ACSF3: variants seen among roughly 807,000 people sequenced by gnomAD.
The protein encoded by ACSF3 is acyl-CoA synthetase family member 3.
In ACSF3, 78 loss-of-function variants were observed where a neutral mutation model predicts 53.2. That is an observed-to-expected ratio of 1.47 (90% CI 1.22 to 1.77). The LOEUF is 1.77. Among genes scored for constraint, ACSF3 ranks in the 40% most tolerant of loss-of-function variants. The pLI is 0.00. For missense variants in ACSF3, 937 were observed against 771.1 expected, an observed-to-expected ratio of 1.22 and a Z score of -2.55; for synonymous variants, 414 against 333.1, an observed-to-expected ratio of 1.24 and a Z score of -2.65.
intron 2 of ACSF3, among the ~76,000 whole-genome samples, chr16:89,099,853 GA>G (rs1236681301): frequency 6.7e-6 from 1 of 150,070 alleles, no homozygotes; most frequent in Non-Finnish European, 1.5e-5. Flanking sequence ...AGAGAGAAAG[GA>G]AAAAAAGGTG....
chr16:89,133,288 A>G (rs1251291014), intron 8 of ACSF3, 26 bp downstream of exon 8: 1 of 1,613,658 alleles, frequency 6.2e-7, no homozygotes, highest in Admixed American at 1.7e-5. Context: ...ATGGGAGTGG[A>G]GGAGACCCCG....
At position 89,143,488 on chromosome 16, in the gene ACSF3, C is replaced by T. The variant is rs1017418084; in HGVS notation, c.1367-1779C>T. Among the ~76,000 whole-genome samples, 3 of 152,168 alleles carry T rather than the reference C, an allele frequency of 2.0e-5. No homozygotes were observed. In the South Asian group the frequency reaches 6.2e-4, roughly 32 times the overall value. On this transcript the variant is annotated intron_variant, in intron 8 of 10. Transcript: ENST00000614302. ...GCCTCCCTGGTGTCAGCAGCTGTGGCATCCGTGGGGCAGGAGCAGCCTGGA... is the reference window on the plus strand; with the variant it reads ...GCCTCCCTGGTGTCAGCAGCTGTGGTATCCGTGGGGCAGGAGCAGCCTGGA...
chr16:89,138,986 C>T (rs569805861), intron 8 of ACSF3, among the ~76,000 whole-genome samples: 7 of 152,314 alleles, frequency 4.6e-5, no homozygotes, highest in Non-Finnish European at 7.4e-5. Flanking sequence ...TGCTTCTGTG[C>T]GGTCCCCGCA....
In ACSF3 at chr16:89,101,492, G is replaced by T. The variant is rs545373402; in HGVS notation, c.666+145G>T. The T allele has an allele frequency of 1.6e-4, 239 of 1,501,966 alleles. 1 individual carries two copies. The Middle Eastern group carries it at 6.4e-3, about 40-fold the overall frequency. 93.0% of individuals were successfully genotyped at this position (1,501,966 alleles called of 1,614,324 possible). On this transcript the variant is annotated intron_variant, in intron 3 of 10. Coordinates refer to ENST00000614302, the MANE Select transcript of ACSF3 (RefSeq NM_001243279.3). ...CCTGCAGACCCGTGTGAGATACAGG[G>T]ACGCAGGCCCTCGGGGTGTGGCCGC...
At chr16:89,146,444 A>G (rs957961245) in intron 10 of ACSF3, among the ~76,000 whole-genome samples, 1 of 152,088 alleles carries the variant, frequency 6.6e-6, no homozygotes, top group Admixed American at 6.5e-5. Flanking sequence ...CTTCCCCGCC[A>G]GGCCACAGGC....
chr16:89,145,444 T>C, intron 9 of ACSF3, 43 bp downstream of exon 9: 3 of 1,610,278 alleles, frequency 1.9e-6, no homozygotes, highest in Non-Finnish European at 2.5e-6. Context: ...GCTAGACGGG[T>C]GCTGCCTTCC....
intron 6 of ACSF3, among the ~76,000 whole-genome samples, chr16:89,116,666 A>C (rs1905168846): frequency 6.6e-6 from 1 of 152,150 alleles, no homozygotes; most frequent in African/African-American, 2.4e-5. Flanking sequence ...TGCCCAGGGC[A>C]GTGGGCGGGT....
Position 89,136,995 on chromosome 16 carries a change from G to A in ACSF3, c.1366+3733G>A, listed in dbSNP as rs564447762. 1.2e-3 allele frequency among the ~76,000 whole-genome samples: 177 copies of A among 152,324 alleles called. 2 individuals are homozygous for A. Among genetic ancestry groups the A allele is most frequent in the African/African-American group, 3.8e-3 (158 of 41,558 alleles). On this transcript the variant is annotated intron_variant, in intron 8 of 10. Transcript: ENST00000614302. ...AGATGCTCTGACTCCACGTGCCCTC[G>A]CTCAGAGACACACGCGCACATTTGC...
chr16:89,117,307 A>C (rs1905291167), intron 6 of ACSF3, among the ~76,000 whole-genome samples: 1 of 152,230 alleles, frequency 6.6e-6, no homozygotes, highest in Admixed American at 6.5e-5. Context: ...ACAAGAACCC[A>C]TGAGCCTGCC....
At chr16:89,130,848 G>A (rs1381350683) in intron 7 of ACSF3, among the ~76,000 whole-genome samples, 2 of 152,094 alleles carry the variant, frequency 1.3e-5, no homozygotes, top group African/African-American at 4.8e-5. Flanking sequence ...TGTCACTCCA[G>A]TAGCATGAAC....
At chr16:89,119,092 T>TC (rs1567710049) in intron 6 of ACSF3, among the ~76,000 whole-genome samples, 3 of 151,216 alleles carry the variant, frequency 2.0e-5, no homozygotes, top group Admixed American at 6.6e-5. Flanking sequence ...GGCCCCTCCC[T>TC]GAAGCTCTCA....
intron 8 of ACSF3, 191 bp from the exon 9 acceptor site, chr16:89,145,076 A>T: frequency 6.7e-7 from 1 of 1,498,114 alleles, no homozygotes; most frequent in Non-Finnish European, 9.1e-7. Context: ...GCACGTCGTG[A>T]CCACCAGGAA....
chr16:89,120,449 G>T (rs186720794), intron 6 of ACSF3, among the ~76,000 whole-genome samples: 1 of 152,242 alleles, frequency 6.6e-6, no homozygotes, highest in Non-Finnish European at 1.5e-5. Flanking sequence ...AATGACACCA[G>T]AATCTGTGGG....
chr16:89,099,899 G>GA (rs1243784332), intron 2 of ACSF3, among the ~76,000 whole-genome samples: 3 of 150,170 alleles, frequency 2.0e-5, no homozygotes, highest in Non-Finnish European at 3.0e-5. Context: ...AGAAAAGAAG[G>GA]AAAAAAGCAT....
intron 7 of ACSF3, among the ~76,000 whole-genome samples, chr16:89,123,571 C>G (rs935126745): frequency 1.3e-4 from 20 of 152,202 alleles, no homozygotes; most frequent in African/African-American, 4.8e-4. Flanking sequence ...CGTCCCTCCC[C>G]AGAAGGTCTC....
intron 7 of ACSF3, among the ~76,000 whole-genome samples, chr16:89,124,192 C>G (rs531061411): frequency 1.2e-4 from 18 of 152,222 alleles, no homozygotes; most frequent in Admixed American, 1.1e-3. Flanking sequence ...ACAGCTGTTA[C>G]ACACATAAAT....
At chr16:89,130,833 T>C (rs1321112267) in intron 7 of ACSF3, among the ~76,000 whole-genome samples, 1 of 152,158 alleles carries the variant, frequency 6.6e-6, no homozygotes, top group African/African-American at 2.4e-5. Context: ...TGTTATCTTT[T>C]CTTCTGTCAC....
At chr16:89,094,118 G>A (rs1030298765) in intron 1 of ACSF3, 122 bp downstream of exon 1, 5 of 151,416 alleles carry the variant, frequency 3.3e-5, no homozygotes, top group African/African-American at 9.7e-5. Context: ...CCGTGGCGCG[G>A]TCGCTTCCCC....
At chr16:89,119,422 G>A (rs1223482616) in intron 6 of ACSF3, among the ~76,000 whole-genome samples, 1 of 152,234 alleles carries the variant, frequency 6.6e-6, no homozygotes, top group South Asian at 2.1e-4. Context: ...TGGGGAGGGA[G>A]GGTGTGGCGG....
Sources: gnomAD v4.1 joint callset for allele counts (sites outside exome capture counted in the v4.1 genomes callset) on GRCh38, gnomAD v4.1.1 for gene constraint, MANE v1.5 for transcripts, NCBI Gene and HGNC (gene_info 2026-07-23, HGNC 2026-07-21) for gene names.